Variants in RBFOX1 observed in about 807,000 individuals in gnomAD.
RBFOX1 encodes RNA binding fox-1 homolog 1.
RBFOX1 carries 8 observed loss-of-function variants against 57.7 expected under a neutral mutation model. The observed-to-expected ratio is 0.14, with a 90% CI of 0.08 to 0.25. The LOEUF (loss-of-function observed/expected upper bound fraction) is 0.25. Ranked by LOEUF, RBFOX1 falls within the 10% of genes least tolerant of loss-of-function variation. The pLI, the probability that RBFOX1 is intolerant of heterozygous loss-of-function variation, is 1.00. For missense variants in RBFOX1, 611 were observed against 548.5 expected (o/e 1.11, Z -1.14); for synonymous variants, 326 against 222.4 (o/e 1.47, Z -4.15).
intron 2 of RBFOX1, among the ~76,000 whole-genome samples, chr16:5,518,797 A>C (rs1461656863): frequency 6.6e-6 from 1 of 152,226 alleles, no homozygotes; most frequent in Non-Finnish European, 1.5e-5. Flanking sequence ...AGAGTATGTG[A>C]AAATGCTTTC....
At chr16:5,916,728 C>G (rs1465578526) in intron 4 of RBFOX1, among the ~76,000 whole-genome samples, 1 of 152,140 alleles carries the variant, frequency 6.6e-6, no homozygotes, top group Non-Finnish European at 1.5e-5. Context: ...GCACCACCCC[C>G]CACACTAAGC....
rs763358136 is a variant in RBFOX1 at position 6,302,732 on chromosome 16, G to A, written c.-126-14263G>A. Among the ~76,000 whole-genome samples the A allele has an allele frequency of 2.0e-5, 3 of 152,174 alleles. No individual in the cohort carries two copies. In the South Asian group the frequency reaches 6.2e-4, roughly 31 times the overall value. ...TAATCTCTTTCTTGTGCAAACAGGAGACTGAGGCCCAGAGAGAGTTAAATA... is the reference window on the plus strand; with the variant it reads ...TAATCTCTTTCTTGTGCAAACAGGAAACTGAGGCCCAGAGAGAGTTAAATA... On this transcript the variant is annotated intron_variant, in intron 1 of 15. Coordinates refer to ENST00000550418, the MANE Select transcript of RBFOX1 (RefSeq NM_018723.4).
chr16:6,891,810 C>T (rs1448233515), intron 3 of RBFOX1, among the ~76,000 whole-genome samples: 5 of 152,158 alleles, frequency 3.3e-5, no homozygotes, highest in African/African-American at 1.2e-4. Context: ...AAAGGTTGAG[C>T]CAGCCTAATG....
chr16:7,259,669 T>A (rs947758485), intron 4 of RBFOX1, among the ~76,000 whole-genome samples: 11 of 152,212 alleles, frequency 7.2e-5, no homozygotes, highest in African/African-American at 2.4e-4. Flanking sequence ...ATTTTATCAC[T>A]AACTTGAGAG....
chr16:7,350,378 A>T (rs563605450), intron 4 of RBFOX1, among the ~76,000 whole-genome samples: 1 of 152,278 alleles, frequency 6.6e-6, no homozygotes, highest in East Asian at 1.9e-4. Flanking sequence ...CACAGTGGGT[A>T]AAGAGGGAGG....
chr16:6,304,536 G>C (rs1014439261), intron 1 of RBFOX1, among the ~76,000 whole-genome samples: 2 of 152,050 alleles, frequency 1.3e-5, no homozygotes, highest in African/African-American at 4.8e-5. Context: ...TGCCTGAGGA[G>C]GGGAGACGAA....
chr16:6,821,942 T>C (rs1385530305), intron 3 of RBFOX1, among the ~76,000 whole-genome samples: 1 of 152,220 alleles, frequency 6.6e-6, no homozygotes, highest in Non-Finnish European at 1.5e-5. Context: ...TTCACAGCTC[T>C]AGTTTCTGAT....
intron 2 of RBFOX1, among the ~76,000 whole-genome samples, chr16:6,502,095 C>T (rs903721482): frequency 7.2e-5 from 11 of 152,146 alleles, no homozygotes; most frequent in African/African-American, 1.9e-4. Context: ...CCTTGTGTAA[C>T]AGAATATTAC....
intron 3 of RBFOX1, among the ~76,000 whole-genome samples, chr16:6,774,666 C>G (rs536104144): frequency 5.3e-5 from 8 of 152,012 alleles, no homozygotes; most frequent in South Asian, 2.1e-4. Flanking sequence ...ATAGAGTATT[C>G]TTGACAGTAA....
At chr16:6,498,252 A>C (rs781316775) in intron 2 of RBFOX1, among the ~76,000 whole-genome samples, 2 of 102,888 alleles carry the variant, frequency 1.9e-5, no homozygotes, top group African/African-American at 6.0e-5. Flanking sequence ...ACTCCGTCTC[A>C]AAACAAAAAA....
At chr16:6,887,986 A>G (rs941393425) in intron 3 of RBFOX1, among the ~76,000 whole-genome samples, 9 of 151,872 alleles carry the variant, frequency 5.9e-5, no homozygotes, top group Non-Finnish European at 1.0e-4. Flanking sequence ...TTATTACTGC[A>G]TCTTATTCTG....
chr16:6,058,098 G>A (rs1302049961), intron 1 of RBFOX1, among the ~76,000 whole-genome samples: 1 of 152,110 alleles, frequency 6.6e-6, no homozygotes, highest in South Asian at 2.1e-4. Flanking sequence ...CTTGTGAAAA[G>A]GGTTTTTATT....
chr16:7,700,614 C>G (rs192722574), intron 14 of RBFOX1, among the ~76,000 whole-genome samples: 123 of 152,246 alleles, frequency 8.1e-4, no homozygotes, highest in African/African-American at 2.8e-3. Flanking sequence ...AGTAGACAAA[C>G]AAAGGAGAAA....
chr16:7,229,463 C>A (rs1424648413), intron 4 of RBFOX1, among the ~76,000 whole-genome samples: 1 of 147,134 alleles, frequency 6.8e-6, no homozygotes, highest in Non-Finnish European at 1.5e-5. Context: ...ATTCAGAAGT[C>A]ATTATATGAG....
At chr16:7,058,094 G>C (rs2053033761) in intron 4 of RBFOX1, among the ~76,000 whole-genome samples, 1 of 151,624 alleles carries the variant, frequency 6.6e-6, no homozygotes, top group African/African-American at 2.4e-5. Flanking sequence ...AAGGATCCTG[G>C]AAAATACATG....
intron 4 of RBFOX1, among the ~76,000 whole-genome samples, chr16:5,904,372 G>T (rs1208260269): frequency 6.6e-6 from 1 of 152,030 alleles, no homozygotes. Context: ...TCCATCACTT[G>T]GGGACAGGTG....
chr16:6,849,004 T>G (rs141243913), intron 3 of RBFOX1, among the ~76,000 whole-genome samples: 132 of 152,302 alleles, frequency 8.7e-4, no homozygotes, highest in African/African-American at 3.1e-3. Flanking sequence ...CAAAGCACGT[T>G]TAGGTAGTCC....
intron 4 of RBFOX1, among the ~76,000 whole-genome samples, chr16:7,155,697 C>A (rs1567489538): frequency 6.0e-5 from 1 of 16,720 alleles, no homozygotes; most frequent in Admixed American, 6.5e-4. Context: ...TCTCCTCCCA[C>A]CAAAAAAAAA....
At chr16:6,310,527 A>G (rs796506007) in intron 1 of RBFOX1, among the ~76,000 whole-genome samples, 4 of 152,154 alleles carry the variant, frequency 2.6e-5, no homozygotes, top group African/African-American at 7.2e-5. Context: ...CCTCACATCA[A>G]CCCTCTGAGG....
Sources: allele counts gnomAD v4.1 joint callset (sites outside exome capture counted in the v4.1 genomes callset), GRCh38; gene constraint gnomAD v4.1.1; transcripts MANE v1.5; gene names NCBI Gene and HGNC (gene_info 2026-07-23, HGNC 2026-07-21).